MYOM1: variants seen among roughly 807,000 people sequenced by gnomAD.
MYOM1 encodes the protein myomesin-1.
MYOM1 carries 164 observed loss-of-function variants against 205.3 expected under a neutral mutation model. The ratio of observed to expected loss-of-function variants is 0.80; its 90% confidence interval spans 0.70 to 0.91. The LOEUF (loss-of-function observed/expected upper bound fraction) is 0.91, where lower values mean the gene tolerates loss of function less well. Among genes scored for constraint, MYOM1 ranks in the 40% least tolerant of loss-of-function variants. The pLI, the probability that MYOM1 is intolerant of heterozygous loss-of-function variation, is 0.00. For synonymous variants in MYOM1, 772 were observed against 789.4 expected (o/e 0.98, Z 0.37); for missense variants, 2,011 against 2,127.3 (o/e 0.95, Z 1.08).
At chr18:3,116,829 C>T (rs1037956645) in intron 20 of MYOM1, among the ~76,000 whole-genome samples, 1 of 151,982 alleles carries the variant, frequency 6.6e-6, no homozygotes, top group Non-Finnish European at 1.5e-5. Flanking sequence ...TTTATTGGAA[C>T]AGTCTGATTT....
chr18:3,119,799 C>G, intron 20 of MYOM1, 70 bp downstream of exon 20: 2 of 1,536,048 alleles, frequency 1.3e-6, no homozygotes, highest in South Asian at 2.5e-5. Flanking sequence ...CTTTGAATTT[C>G]ATTCCAGGTT....
rs1211243896 is a variant in MYOM1, at chr18:3,132,528, A to G, written c.2385-1032T>C. Among the ~76,000 whole-genome samples, 3 of 152,246 alleles carry G rather than the reference A, an allele frequency of 2.0e-5. No homozygotes were observed. The East Asian group carries it at 5.8e-4, about 29-fold the overall frequency. On this transcript the variant is annotated intron_variant, in intron 16 of 37. Transcript: ENST00000356443. ...TTTGTTATATTGGTAAACTCGTGTC[A>G]CAGGGGTTTGTTGACGGATTATTTC...
intron 20 of MYOM1, among the ~76,000 whole-genome samples, chr18:3,118,936 T>C (rs2079645921): frequency 6.6e-6 from 1 of 152,150 alleles, no homozygotes; most frequent in Non-Finnish European, 1.5e-5. Context: ...AACGTGATGG[T>C]CTTCAAGGGC....
intron 2 of MYOM1, among the ~76,000 whole-genome samples, chr18:3,195,875 G>GT (rs1451779389): frequency 6.6e-6 from 1 of 151,280 alleles, no homozygotes; most frequent in East Asian, 1.9e-4. Context: ...TCCTTCCAAT[G>GT]TAAGAGCTGA....
chr18:3,244,051 C>A, the MYOM1 span, among the ~76,000 whole-genome samples: 1 of 152,172 alleles, frequency 6.6e-6, no homozygotes, highest in Non-Finnish European at 1.5e-5. Flanking sequence ...GTTTTCTCAA[C>A]CTAAGCACTA....
chr18:3,169,330 T>G (rs1287517587), intron 8 of MYOM1, among the ~76,000 whole-genome samples: 1 of 152,244 alleles, frequency 6.6e-6, no homozygotes, highest in Non-Finnish European at 1.5e-5. Flanking sequence ...TAATTTTAGA[T>G]GTTGAGTTAA....
intron 11 of MYOM1, 148 bp downstream of exon 11, chr18:3,154,798 GA>G: frequency 1.1e-6 from 1 of 875,146 alleles, no homozygotes. Context: ...GACAAATAGA[GA>G]AAAAGAAAGA....
intron 10 of MYOM1, among the ~76,000 whole-genome samples, chr18:3,160,195 T>C (rs1290802143): frequency 6.6e-6 from 1 of 151,524 alleles, no homozygotes; most frequent in Non-Finnish European, 1.5e-5. Flanking sequence ...TTTTTTTTCT[T>C]TCTTTTTTTT....
At chr18:3,184,486 T>C (rs1403392902) in intron 5 of MYOM1, among the ~76,000 whole-genome samples, 2 of 152,262 alleles carry the variant, frequency 1.3e-5, no homozygotes, top group Non-Finnish European at 2.9e-5. Context: ...TAACTGATTG[T>C]CCAAGTTTCA....
At chr18:3,147,150 ATT>A (rs2080140598) in intron 13 of MYOM1, among the ~76,000 whole-genome samples, 1 of 113,410 alleles carries the variant, frequency 8.8e-6, no homozygotes, top group Non-Finnish European at 2.0e-5. Flanking sequence ...AAATATATAT[ATT>A]ATATAGAAAT....
Position 3,082,233 on chromosome 18 carries a change from T to C in MYOM1, c.4484+1556A>G, listed in dbSNP as rs1315917477. ...CTAGTAGGCCACGGACTGGTACCGG[T>C]CCATGGCCTGGGGTTTGGGGATCTC... On this transcript the variant is annotated intron_variant, in intron 33 of 37. Transcript: ENST00000356443. Among the ~76,000 whole-genome samples the C allele has an allele frequency of 2.0e-5, 3 of 152,164 alleles. No individual in the cohort carries two copies. In the East Asian group the frequency reaches 5.8e-4, roughly 29 times the overall value.
chr18:3,225,824 G>A, the MYOM1 span, among the ~76,000 whole-genome samples: 2 of 152,202 alleles, frequency 1.3e-5, no homozygotes. Flanking sequence ...TCTGCATGCT[G>A]TATTATGGCT....
chr18:3,073,382 C>T (rs2078983880), intron 36 of MYOM1, among the ~76,000 whole-genome samples: 1 of 152,254 alleles, frequency 6.6e-6, no homozygotes, highest in African/African-American at 2.4e-5. Flanking sequence ...ACCTCCCTCT[C>T]ATTTTTCGGC....
Position 3,135,314 on chromosome 18 carries a change from C to A in MYOM1, c.2209+233G>T. 2 of 432,292 alleles carry A rather than the reference C, an allele frequency of 4.6e-6. No individual in the cohort carries two copies. Among genetic ancestry groups the A allele is most frequent in the Non-Finnish European group, 8.2e-6 (2 of 245,236 alleles). 26.8% of individuals were successfully genotyped at this position (432,292 alleles called of 1,614,324 possible). A position where few individuals can be genotyped will look rare whatever the true frequency, so the allele number is the denominator to read the frequency against. On this transcript the variant is annotated intron_variant, in intron 15 of 37. Coordinates refer to ENST00000356443, the MANE Select transcript of MYOM1 (RefSeq NM_003803.4). This position sits in a 1 kb window ranked among gnomAD's most constrained non-coding sequence, Gnocchi z 4.1. ...AGGGAGCATGGATAAACTAAATGTCCATGAACTTCAGAAAAAACACATTAT... is the reference window on the plus strand; with the variant it reads ...AGGGAGCATGGATAAACTAAATGTCAATGAACTTCAGAAAAAACACATTAT...
rs765191680 is a variant in MYOM1, at chr18:3,151,790, G to A, written c.1747C>T (p.Arg583Ter). 5.0e-6 allele frequency: 8 copies of A among 1,613,874 alleles called. No homozygotes were observed. The Admixed American group carries it at 6.7e-5, about 13-fold the overall frequency. Residue 583 changes from arginine to a stop codon, truncating the protein, a stop_gained, in exon 12 of 38, where the codon CGA becomes TGA. Coordinates refer to ENST00000356443, the MANE Select transcript of MYOM1 (RefSeq NM_003803.4). LOFTEE classifies it high-confidence loss of function. Reference protein sequence around the residue: ...GLIEGRSYIFRVRAVNKMGIG... With the variant: ...GLIEGRSYIF ...CCCATTTTATTCACAGCTCGAACTC[G>A]GAAGATATAGGAACGACCTTCGATC...
At chr18:3,125,207 C>A (rs1330255945) in intron 19 of MYOM1, among the ~76,000 whole-genome samples, 1 of 152,110 alleles carries the variant, frequency 6.6e-6, no homozygotes, top group Non-Finnish European at 1.5e-5. Context: ...TAAACAGACC[C>A]CCTGACCCAG....
intron 22 of MYOM1, among the ~76,000 whole-genome samples, chr18:3,106,735 A>C (rs1261641524): frequency 2.0e-5 from 3 of 152,186 alleles, no homozygotes; most frequent in Non-Finnish European, 4.4e-5. Context: ...AGGTAGGAGG[A>C]TCACTTGAGC....
At chr18:3,198,329 A>G (rs1421581316) in intron 2 of MYOM1, among the ~76,000 whole-genome samples, 1 of 152,134 alleles carries the variant, frequency 6.6e-6, no homozygotes, top group Non-Finnish European at 1.5e-5. Flanking sequence ...AGCCAGCATC[A>G]CCCATCCTTA....
intron 9 of MYOM1, among the ~76,000 whole-genome samples, chr18:3,165,333 G>T (rs1279292686): frequency 6.6e-6 from 1 of 152,170 alleles, no homozygotes; most frequent in Non-Finnish European, 1.5e-5. Context: ...ACCTGTGGAG[G>T]TGACACTACA....
Sources: allele counts gnomAD v4.1 joint callset (sites outside exome capture counted in the v4.1 genomes callset), GRCh38; gene constraint gnomAD v4.1.1; non-coding constraint Gnocchi (gnomAD v3.1); transcripts MANE v1.5; gene names NCBI Gene and HGNC (gene_info 2026-07-23, HGNC 2026-07-21).